The following EYS variants were observed in gnomAD, a reference collection of about 807,000 sequenced individuals.
The protein encoded by EYS is protein eyes shut homolog.
EYS carries 250 observed loss-of-function variants against 282.1 expected under a neutral mutation model. The observed-to-expected ratio is 0.89, with a 90% confidence interval of 0.80 to 0.98. The LOEUF is 0.98. Among genes scored for constraint, EYS ranks in the 50% least tolerant of loss-of-function variants. EYS has a pLI of 0.00. For missense variants in EYS, 4,016 were observed against 3,709.0 expected, an observed-to-expected ratio of 1.08 and a Z score of -2.15; for synonymous variants, 1,355 against 1,282.9, an observed-to-expected ratio of 1.06 and a Z score of -1.20.
intron 10 of EYS, among the ~76,000 whole-genome samples, chr6:65,340,885 G>T (rs955097449): frequency 2.0e-5 from 3 of 151,020 alleles, no homozygotes; most frequent in African/African-American, 7.3e-5. Context: ...CTCAAGGCTG[G>T]ATAGCAACCA....
At chr6:63,722,507 T>C (rs1054845869) in intron 42 of EYS, among the ~76,000 whole-genome samples, 7 of 152,172 alleles carry the variant, frequency 4.6e-5, no homozygotes, top group African/African-American at 1.7e-4. Flanking sequence ...CCATCCAGCA[T>C]CTGAAGTTGC....
rs557263772 is a variant in EYS at position 63,733,596 on chromosome 6, A to G, written c.8072-6916T>C. 3.3e-5 allele frequency among the ~76,000 whole-genome samples: 5 copies of G among 152,224 alleles called. No homozygotes were observed. In the South Asian group the frequency reaches 1.0e-3, roughly 32 times the overall value. On this transcript the variant is annotated intron_variant, in intron 41 of 42. Transcript: ENST00000503581. ...ACGATAATGGCCTCCAGCTGTATCT[A>G]TGTGCTTGCAACATTTTCAATGATG...
chr6:64,644,952 T>C (rs115863187), intron 22 of EYS, among the ~76,000 whole-genome samples: 2 of 152,164 alleles, frequency 1.3e-5, no homozygotes, highest in African/African-American at 4.8e-5. Context: ...CTTTTATTAG[T>C]AGTTATTTTC....
intron 24 of EYS, among the ~76,000 whole-genome samples, chr6:64,609,093 A>T (rs1011828382): frequency 6.6e-6 from 1 of 152,192 alleles, no homozygotes; most frequent in African/African-American, 2.4e-5. Flanking sequence ...ATTGTAACAA[A>T]TGTACCACTC....
chr6:64,419,623 G>C (rs768375307), intron 28 of EYS, among the ~76,000 whole-genome samples: 4 of 152,100 alleles, frequency 2.6e-5, no homozygotes, highest in Non-Finnish European at 5.9e-5. Context: ...GGGAGAAATT[G>C]GCCTACCAGA....
rs184334326 is a variant in EYS, at chr6:63,771,892, G to C, written c.7898+6114C>G. On this transcript the variant is annotated intron_variant, in intron 40 of 42. Transcript: ENST00000503581. The stretch of plus-strand genomic sequence containing the variant: ...TGAAAATGTCTCATCTTTGGCCAGT[G>C]GGAGTCTCTTTAAGTAGGCTCCTGT... Among the ~76,000 whole-genome samples, 159 of 152,266 alleles carry C rather than the reference G, an allele frequency of 1.0e-3. 2 individuals are homozygous for C. The Middle Eastern group carries it at 0.024, about 23-fold the overall frequency.
At chr6:64,614,213 G>T (rs1411082016) in intron 24 of EYS, among the ~76,000 whole-genome samples, 1 of 151,952 alleles carries the variant, frequency 6.6e-6, no homozygotes, top group Non-Finnish European at 1.5e-5. Flanking sequence ...AATACAACAG[G>T]CAAGATGAAA....
intron 9 of EYS, among the ~76,000 whole-genome samples, chr6:65,345,707 C>T (rs1233980904): frequency 2.6e-5 from 4 of 151,156 alleles, no homozygotes; most frequent in Non-Finnish European, 5.9e-5. Flanking sequence ...TAGGATTTAA[C>T]TCTTAACGTC....
intron 26 of EYS, among the ~76,000 whole-genome samples, chr6:64,482,889 A>G (rs16895263): frequency 0.32 from 47,852 of 151,350 alleles, 7,660 homozygotes; most frequent in East Asian, 0.5. Context: ...CAAATAAAGT[A>G]TTTTCATAGG....
At chr6:64,570,000 C>G (rs760286869) in intron 26 of EYS, among the ~76,000 whole-genome samples, 2 of 152,048 alleles carry the variant, frequency 1.3e-5, no homozygotes, top group Non-Finnish European at 2.9e-5. Context: ...TCAAATTTCC[C>G]AAGGATGAAA....
At chr6:64,686,910 TAC>T (rs1300449623) in intron 22 of EYS, among the ~76,000 whole-genome samples, 1 of 138,230 alleles carries the variant, frequency 7.2e-6, no homozygotes, top group African/African-American at 2.7e-5. Context: ...TGTATATATA[TAC>T]ACACATATAT....
At chr6:64,821,051 A>T (rs1764884297) in intron 21 of EYS, among the ~76,000 whole-genome samples, 1 of 152,022 alleles carries the variant, frequency 6.6e-6, no homozygotes, top group Non-Finnish European at 1.5e-5. Flanking sequence ...GGCTCACAAG[A>T]TTCTCATCCA....
chr6:64,995,687 C>A (rs1232143643), intron 14 of EYS, among the ~76,000 whole-genome samples: 1 of 149,864 alleles, frequency 6.7e-6, no homozygotes, highest in Non-Finnish European at 1.5e-5. Context: ...AGAACTTTAT[C>A]TCTTCTTCAA....
chr6:64,113,796 CTG>C (rs143016145), intron 31 of EYS, among the ~76,000 whole-genome samples: 3,634 of 152,232 alleles, frequency 0.024, 127 homozygotes, highest in African/African-American at 0.082. Context: ...CAACTAGTAA[CTG>C]TGAAGAGTGT....
At chr6:64,327,178 G>A (rs751458669) in intron 29 of EYS, among the ~76,000 whole-genome samples, 3 of 152,016 alleles carry the variant, frequency 2.0e-5, no homozygotes, top group Non-Finnish European at 4.4e-5. Flanking sequence ...CCAGATCTAG[G>A]ACACTGTATA....
At chr6:64,714,499 A>G (rs1052031650) in intron 22 of EYS, among the ~76,000 whole-genome samples, 1 of 149,748 alleles carries the variant, frequency 6.7e-6, no homozygotes, top group Non-Finnish European at 1.5e-5. Flanking sequence ...CTTATTTGAA[A>G]CACATTTTCT....
chr6:64,435,205 C>A (rs1774701112), intron 28 of EYS, among the ~76,000 whole-genome samples: 2 of 151,950 alleles, frequency 1.3e-5, no homozygotes, highest in African/African-American at 2.4e-5. Flanking sequence ...TAAATAGCAT[C>A]TCAGAGTTCT....
intron 13 of EYS, among the ~76,000 whole-genome samples, chr6:65,001,113 C>CTT (rs140151852): frequency 0.07 from 10,392 of 148,172 alleles, 986 homozygotes; most frequent in East Asian, 0.15. Context: ...ACAATGCTCT[C>CTT]AGCCTTGCTG....
At chr6:64,664,776 G>C (rs1028389189) in intron 22 of EYS, among the ~76,000 whole-genome samples, 1 of 152,152 alleles carries the variant, frequency 6.6e-6, no homozygotes, top group Non-Finnish European at 1.5e-5. Context: ...ACTAGAAAAT[G>C]GGTCCCCACC....
Sources: allele counts gnomAD v4.1 joint callset (sites outside exome capture counted in the v4.1 genomes callset), GRCh38; gene constraint gnomAD v4.1.1; transcripts MANE v1.5; gene names NCBI Gene and HGNC (gene_info 2026-07-23, HGNC 2026-07-21).